HUWE1: variants seen among roughly 807,000 people sequenced by gnomAD.
The protein encoded by HUWE1 is E3 ubiquitin-protein ligase HUWE1.
HUWE1 carries 18 observed loss-of-function variants against 299.4 expected under a neutral mutation model. The observed-to-expected ratio is 0.06, with a 90% CI of 0.04 to 0.09. The LOEUF (loss-of-function observed/expected upper bound fraction) is 0.09. Ranked by LOEUF, HUWE1 falls within the 10% of genes least tolerant of loss-of-function variation. The probability of loss-of-function intolerance (pLI) is 1.00; values close to 1 mark genes in which losing one functional copy is unlikely to be tolerated. For missense variants in HUWE1, 1,832 were observed against 3,462.3 expected, an observed-to-expected ratio of 0.53 and a Z score of 11.82; for synonymous variants, 1,317 against 1,286.1, an observed-to-expected ratio of 1.02 and a Z score of -0.51.
At chrX:53,611,203 A>G (rs1345494609) in intron 23 of HUWE1, among the ~76,000 whole-genome samples, 1 of 109,284 alleles carries the variant, frequency 9.2e-6, no homozygotes, top group Non-Finnish European at 1.9e-5. Flanking sequence ...AAAAAAAAAA[A>G]AAAAAAGAAA....
intron 6 of HUWE1, among the ~76,000 whole-genome samples, chrX:53,646,281 C>T (rs1557035948): frequency 9.1e-6 from 1 of 109,951 alleles, no homozygotes; most frequent in East Asian, 2.8e-4. Flanking sequence ...CCGAAGTCTC[C>T]CGAGTAGCTA....
chrX:53,592,643 A>G lies in HUWE1; in HGVS notation c.3742-15T>C. ...GTAAAGGCTGCCTGTAAGTAATTTG[A>G]AAAGTGTGTGAAAATCATTTTGCTT... is the stretch of plus-strand genomic sequence containing the variant. On this transcript the variant is annotated splice_polypyrimidine_tract_variant and intron_variant, in intron 32 of 83. Coordinates refer to ENST00000262854, the MANE Select transcript of HUWE1 (RefSeq NM_031407.7). 2 of 1,111,481 alleles carry G rather than the reference A, an allele frequency of 1.8e-6. No individual in the cohort carries two copies. Among genetic ancestry groups the G allele is most frequent in the South Asian group, 1.9e-5 (1 of 53,154 alleles). The allele number at this position is 1,111,481 out of a possible 1,213,427, so 91.6% of individuals were successfully genotyped here. A position where few individuals can be genotyped will look rare whatever the true frequency, so the allele number is the denominator to read the frequency against.
Position 53,547,676 on chromosome X carries a change from A to G in HUWE1, c.10633T>C (p.Ser3545Pro). ...TTPTTATTTVSISPTTKGSKS... is the reference protein window; with the variant it reads ...TTPTTATTTVPISPTTKGSKS... ...CCCAGTCTACATCCACACTTACTTG[A>G]AACAGTAGTGGTAGCAGTCGTGGGG... The change falls in exon 68 of 84, where the codon TCA becomes CCA. Residue 3545 changes from serine to proline, a missense_variant. By Grantham distance (74) the Ser-to-Pro change is moderately conservative. Coordinates refer to ENST00000262854, the MANE Select transcript of HUWE1 (RefSeq NM_031407.7). 8.3e-7 allele frequency: 1 copy of G among 1,210,495 alleles called. No homozygotes were observed. Among genetic ancestry groups the G allele is most frequent in the Non-Finnish European group, 1.1e-6 (1 of 894,831 alleles).
chrX:53,680,826 C>G (rs1039391973), intron 2 of HUWE1: 1 of 112,053 alleles, frequency 8.9e-6, no homozygotes, highest in Non-Finnish European at 1.9e-5. Context: ...GTAAAATGCA[C>G]CAATGCAAAA....
At chrX:53,535,554 T>A in intron 80 of HUWE1, 53 bp from the exon 81 acceptor site, 1 of 814,239 alleles carries the variant, frequency 1.2e-6, no homozygotes, top group Non-Finnish European at 1.9e-6. Context: ...TAGGATGGGA[T>A]TAGATACCTA....
At chrX:53,633,095 T>C (rs1426470854) in intron 8 of HUWE1, among the ~76,000 whole-genome samples, 1 of 112,626 alleles carries the variant, frequency 8.9e-6, no homozygotes, top group Non-Finnish European at 1.9e-5. Flanking sequence ...ACACCACTTC[T>C]CATGGTATGT....
chrX:53,684,203 G>C (rs781878947), intron 2 of HUWE1: 18 of 227,675 alleles, frequency 7.9e-5, no homozygotes, highest in African/African-American at 4.5e-4. Context: ...CGCATGCGTT[G>C]AGAACTATCG....
intron 3 of HUWE1, among the ~76,000 whole-genome samples, chrX:53,654,380 A>T (rs1426558027): frequency 8.9e-6 from 1 of 111,844 alleles, no homozygotes; most frequent in Non-Finnish European, 1.9e-5. Context: ...CAAAATGAAA[A>T]TTTTTTCTCT....
chrX:53,534,848 C>T (rs1017817985), intron 81 of HUWE1, 151 bp from the exon 82 acceptor site: 19 of 485,362 alleles, frequency 3.9e-5, no homozygotes, highest in Admixed American at 2.8e-4. Context: ...CTAGTCTCAA[C>T]CCCCTGGGCT....
At chrX:53,555,634 ATCT>A (rs1556933817) in intron 60 of HUWE1, among the ~76,000 whole-genome samples, 2 of 83,985 alleles carry the variant, frequency 2.4e-5, no homozygotes, top group African/African-American at 9.6e-5. Flanking sequence ...GCCCTTCAAA[ATCT>A]TTTTTTTTTT....
At chrX:53,538,580 A>C in intron 76 of HUWE1, 126 bp from the exon 77 acceptor site, 1 of 579,900 alleles carries the variant, frequency 1.7e-6, no homozygotes, top group South Asian at 2.6e-5. Flanking sequence ...AGGACTAGTC[A>C]AAACCAAGGG....
At position 53,554,808 on chromosome X, in the gene HUWE1, T is replaced by C. The variant is rs995998843; in HGVS notation, c.8319A>G (p.Thr2773=). ...GTLQSSQQQP[T]LPTPPALGEV... Reference sequence around the variant, plus strand: ...CTCCCAAAGCTGGTGGGGTTGGGAGTGTTGGTTGCTGTTGTGAGGATTGCA... The same window carrying C: ...CTCCCAAAGCTGGTGGGGTTGGGAGCGTTGGTTGCTGTTGTGAGGATTGCA... Residue 2773 remains threonine (T), a synonymous_variant, in exon 61 of 84, where the codon ACA becomes ACG. Transcript: ENST00000262854. The C allele has an allele frequency of 8.3e-7, 1 of 1,210,066 alleles. No individual in the cohort carries two copies. The highest frequency in any genetic ancestry group is 1.1e-6 in the Non-Finnish European group (1 of 894,863).
chrX:53,567,036 A>C (rs1167411065), intron 49 of HUWE1, among the ~76,000 whole-genome samples: 2 of 112,097 alleles, frequency 1.8e-5, no homozygotes, highest in African/African-American at 6.5e-5. Flanking sequence ...TGTGTATATA[A>C]AATTGTATAA....
In HUWE1 at chrX:53,564,653, T is replaced by C; in HGVS notation, c.6950A>G (p.Asp2317Gly). ...GGTTTCAGCCTCCCCATCCATGATA[T>C]CCCCATCTGCCACCTCTGTCTGAGT... ...DVTQTEVADG[D>G]IMDGEAETDS... is the part of the protein sequence containing the mutation. Residue 2317 changes from aspartate (D) to glycine (G), a missense_variant, in exon 51 of 84, where the codon GAT becomes GGT. This residue lies in a region of HUWE1 where 170 missense variants were observed against 335.8 expected (regional missense o/e 0.51). Transcript: ENST00000262854. The C allele has an allele frequency of 2.5e-6, 3 of 1,211,541 alleles. No individual in the cohort carries two copies. The highest frequency in any genetic ancestry group is 3.4e-6 in the Non-Finnish European group (3 of 895,338).
intron 56 of HUWE1, 92 bp from the exon 57 acceptor site, chrX:53,559,624 T>C (rs2062193116): frequency 1.3e-6 from 1 of 743,871 alleles, no homozygotes; most frequent in Non-Finnish European, 2.1e-6. Context: ...CATCCTCTAT[T>C]AAATGCAGAA....
intron 70 of HUWE1, among the ~76,000 whole-genome samples, chrX:53,545,678 C>A (rs995933767): frequency 2.7e-5 from 3 of 111,697 alleles, no homozygotes; most frequent in Non-Finnish European, 5.6e-5. Flanking sequence ...AGGTCAGAGG[C>A]CAAATTCTTT....
chrX:53,546,380 G>T, intron 70 of HUWE1, 56 bp downstream of exon 70: 1 of 1,097,969 alleles, frequency 9.1e-7, no homozygotes, highest in Non-Finnish European at 1.2e-6. Flanking sequence ...TCCAGAAAGA[G>T]GAAGCACCTA....
At chrX:53,645,732 AAAAAATATAT>A (rs1471684791) in intron 6 of HUWE1, among the ~76,000 whole-genome samples, 176 of 17,635 alleles carry the variant, frequency 1.0e-2, no homozygotes, top group Non-Finnish European at 0.015. Context: ...AAAAAAAAAA[AAAAAATATAT>A]ATATATATAT....
chrX:53,672,834 T>C (rs890248392), intron 3 of HUWE1, among the ~76,000 whole-genome samples: 5 of 111,770 alleles, frequency 4.5e-5, no homozygotes, highest in African/African-American at 1.3e-4. Context: ...ATAATATGGC[T>C]ACAGAGCAGT....
Sources: gnomAD v4.1 joint callset for allele counts (sites outside exome capture counted in the v4.1 genomes callset) on GRCh38, gnomAD v4.1.1 for gene constraint, gnomAD v4.1.1 regional missense constraint, MANE v1.5 for transcripts, NCBI Gene and HGNC (gene_info 2026-07-23, HGNC 2026-07-21) for gene names.